Variants in SLC39A6 observed in about 807,000 individuals in gnomAD.
The protein encoded by SLC39A6 is solute carrier family 39 member 6, also known as zinc transporter ZIP6.
A neutral mutation model predicts 63.5 loss-of-function variants in SLC39A6; 51 were observed. The ratio of observed to expected loss-of-function variants is 0.80; its 90% confidence interval spans 0.64 to 1.01. The LOEUF is 1.01. Among genes scored for constraint, SLC39A6 ranks in the 50% least tolerant of loss-of-function variants. SLC39A6 has a pLI of 0.00. For synonymous variants in SLC39A6, 318 were observed against 324.7 expected, an observed-to-expected ratio of 0.98 and a Z score of 0.22; for missense variants, 805 against 927.8, an observed-to-expected ratio of 0.87 and a Z score of 1.72.
chr18:36,126,782 T>C lies in SLC39A6; in HGVS notation c.226A>G (p.Arg76Gly), dbSNP rs1331330138. The change falls in exon 2 of 10, where the codon AGA becomes GGA. Residue 76 changes from arginine to glycine, a missense_variant. Physicochemically the swap from Arg to Gly is moderately radical, Grantham distance 125 (BLOSUM62 -2). Coordinates refer to ENST00000269187, the MANE Select transcript of SLC39A6 (RefSeq NM_012319.4). Reference sequence around the variant, plus strand: ...ATGCCTATATTTTGAAGTAATTTTCTGAACCCTTCAACTGACAAAGAATTA... The same window carrying C: ...ATGCCTATATTTTGAAGTAATTTTCCGAACCCTTCAACTGACAAAGAATTA... Reference protein sequence around the residue: ...ENNSLSVEGFRKLLQNIGIDK... With the variant: ...ENNSLSVEGFGKLLQNIGIDK... The C allele has an allele frequency of 3.7e-6, 6 of 1,614,124 alleles. No homozygotes were observed. The highest frequency in any genetic ancestry group is 5.1e-6 in the Non-Finnish European group (6 of 1,180,044).
chr18:36,120,808 C>T (rs77841926), intron 5 of SLC39A6, among the ~76,000 whole-genome samples: 309 of 152,152 alleles, frequency 2.0e-3, no homozygotes, highest in Non-Finnish European at 3.6e-3. Context: ...TACTTAATTC[C>T]GTGAACACAA....
intron 5 of SLC39A6, among the ~76,000 whole-genome samples, chr18:36,118,977 G>A (rs961860301): frequency 1.3e-5 from 2 of 152,136 alleles, no homozygotes; most frequent in Admixed American, 1.3e-4. Flanking sequence ...GGATATCAGA[G>A]ATGATTCTCT....
rs1221132442 is a variant in SLC39A6 at position 36,123,487 on chromosome 18, A to G, written c.1140+8T>C. The G allele has an allele frequency of 1.9e-6, 3 of 1,601,406 alleles. No homozygotes were observed. Among genetic ancestry groups the G allele is most frequent in the African/African-American group, 1.4e-5 (1 of 74,000 alleles). On this transcript the variant is annotated splice_region_variant and intron_variant, in intron 4 of 9. Transcript: ENST00000269187. ...TCAAACACTAACAGGACAAATTACTATACTTACATGTGGAAGAAGGTGTAA... is the reference window on the plus strand; with the variant it reads ...TCAAACACTAACAGGACAAATTACTGTACTTACATGTGGAAGAAGGTGTAA...
intron 5 of SLC39A6, among the ~76,000 whole-genome samples, chr18:36,118,820 G>A (rs901332788): frequency 1.3e-5 from 2 of 152,168 alleles, no homozygotes; most frequent in Admixed American, 6.5e-5. Context: ...ACAAAATAAC[G>A]TGGACAGGCT....
At chr18:36,124,374 G>T in intron 3 of SLC39A6, 146 bp downstream of exon 3, 1 of 485,400 alleles carries the variant, frequency 2.1e-6, no homozygotes, top group Non-Finnish European at 3.5e-6. Context: ...ACCCTTCCTT[G>T]CTTTCTTCAC....
rs912031823 is a variant in SLC39A6 at position 36,122,422 on chromosome 18, A to G, written c.1141-152T>C. The G allele has an allele frequency of 3.8e-5, 24 of 631,600 alleles. No individual in the cohort carries two copies. In the Middle Eastern group the frequency reaches 1.8e-3, roughly 47 times the overall value. 39.1% of individuals were successfully genotyped at this position (631,600 alleles called of 1,614,324 possible). ...GTGAAGTTTAGGACATTAAAAATAA[A>G]ATGACCAATGAGCAGCTAGCTATCT... On this transcript the variant is annotated intron_variant, in intron 4 of 9. Coordinates refer to ENST00000269187, the MANE Select transcript of SLC39A6 (RefSeq NM_012319.4).
intron 5 of SLC39A6, among the ~76,000 whole-genome samples, chr18:36,120,692 T>C (rs1465731294): frequency 6.6e-6 from 1 of 152,174 alleles, no homozygotes; most frequent in Non-Finnish European, 1.5e-5. Flanking sequence ...AGTGTCTTGC[T>C]ATGTTGCCCA....
At position 36,126,509 on chromosome 18, in the gene SLC39A6, G is replaced by A. The variant is rs2089438857; in HGVS notation, c.499C>T (p.His167Tyr). Residue 167 changes from histidine (H) to tyrosine (Y), a missense_variant, in exon 2 of 10, where the codon CAC becomes TAC. His to Tyr is a moderately conservative substitution (Grantham distance 83). Around this residue, in one of 4 missense-constraint regions of SLC39A6, gnomAD observed 639 missense variants for 644.0 expected, o/e 0.99. Transcript: ENST00000269187. ...CTACCACTGGCATGTTCTGGTCGGTGAGCTCCTTTCCCCTGGCTGTTTCTA... is the reference window on the plus strand; with the variant it reads ...CTACCACTGGCATGTTCTGGTCGGTAAGCTCCTTTCCCCTGGCTGTTTCTA... ...DPRNSQGKGA[H>Y]RPEHASGRRN... is the part of the protein sequence containing the mutation. 1.2e-6 allele frequency: 2 copies of A among 1,614,108 alleles called. No individual in the cohort carries two copies. Among genetic ancestry groups the A allele is most frequent in the Non-Finnish European group, 1.7e-6 (2 of 1,180,052 alleles).
intron 6 of SLC39A6, among the ~76,000 whole-genome samples, 187 bp from the exon 7 acceptor site, chr18:36,114,661 A>G (rs2144500619): frequency 6.6e-6 from 1 of 152,342 alleles, no homozygotes; most frequent in Non-Finnish European, 1.5e-5. Flanking sequence ...AATTCCAGAA[A>G]TGGAATGGTC....
At chr18:36,112,131 G>A (rs992159488) in intron 8 of SLC39A6, among the ~76,000 whole-genome samples, 2 of 152,158 alleles carry the variant, frequency 1.3e-5, no homozygotes, top group Non-Finnish European at 2.9e-5. Flanking sequence ...TGGCATCAGC[G>A]GTATGTGTGT....
intron 5 of SLC39A6, among the ~76,000 whole-genome samples, chr18:36,120,094 T>C (rs149718056): frequency 8.5e-4 from 129 of 152,116 alleles, no homozygotes; most frequent in African/African-American, 3.0e-3. Flanking sequence ...GCAGAAGACT[T>C]AAAGAAGTAG....
In SLC39A6 at chr18:36,129,176, G is replaced by C. The variant is rs1026153859; in HGVS notation, c.-72C>G. 2.6e-5 allele frequency: 4 copies of C among 153,456 alleles called. No homozygotes were observed. The highest frequency in any genetic ancestry group is 5.8e-5 in the Non-Finnish European group (4 of 68,834). The allele number at this position is 153,456 out of a possible 1,614,324, so 9.5% of individuals were successfully genotyped here. A position where few individuals can be genotyped will look rare whatever the true frequency, so the allele number is the denominator to read the frequency against. ...GCGCAGGTTTGGTTCCACACGGGCG[G>C]TCCAGAGGGCTCGGAACGGGCCCAC... On this transcript the variant is annotated 5_prime_UTR_variant, in exon 1 of 10. Coordinates refer to ENST00000269187, the MANE Select transcript of SLC39A6 (RefSeq NM_012319.4).
intron 7 of SLC39A6, among the ~76,000 whole-genome samples, chr18:36,113,544 C>T (rs1214321803): frequency 1.3e-5 from 2 of 152,230 alleles, no homozygotes; most frequent in Non-Finnish European, 2.9e-5. Context: ...GTCACCTTGA[C>T]AGGCCTCAGC....
chr18:36,127,822 C>T (rs1197404638), intron 1 of SLC39A6, among the ~76,000 whole-genome samples: 6 of 146,214 alleles, frequency 4.1e-5, no homozygotes, highest in East Asian at 4.0e-4. Context: ...CTATGTTGTC[C>T]GGGTTGGTCT....
chr18:36,123,719 C>T (rs1033208200), intron 3 of SLC39A6, 55 bp from the exon 4 acceptor site: 3 of 1,520,734 alleles, frequency 2.0e-6, no homozygotes, highest in South Asian at 1.3e-5. Context: ...ATAAACTCTA[C>T]AAGAAAGACT....
At chr18:36,117,166 G>A (rs1023221743) in intron 5 of SLC39A6, among the ~76,000 whole-genome samples, 7 of 152,198 alleles carry the variant, frequency 4.6e-5, no homozygotes, top group Non-Finnish European at 8.8e-5. Flanking sequence ...GAACTCGGGA[G>A]GTGGAGGTTG....
At chr18:36,115,512 T>C (rs1211441493) in intron 6 of SLC39A6, among the ~76,000 whole-genome samples, 1 of 151,264 alleles carries the variant, frequency 6.6e-6, no homozygotes, top group Non-Finnish European at 1.5e-5. Flanking sequence ...CAAAACAGTG[T>C]GGTCTAGGCA....
chr18:36,116,382 G>A (rs1480984903), intron 6 of SLC39A6, among the ~76,000 whole-genome samples: 1 of 152,158 alleles, frequency 6.6e-6, no homozygotes, highest in African/African-American at 2.4e-5. Flanking sequence ...GCTAGAGAAA[G>A]ACAGTGTGGT....
At chr18:36,113,541 T>C (rs1489306310) in intron 7 of SLC39A6, among the ~76,000 whole-genome samples, 1 of 152,186 alleles carries the variant, frequency 6.6e-6, no homozygotes, top group Non-Finnish European at 1.5e-5. Context: ...GGCGTCACCT[T>C]GACAGGCCTC....
Sources: allele counts gnomAD v4.1 joint callset (sites outside exome capture counted in the v4.1 genomes callset), GRCh38; gene constraint gnomAD v4.1.1; regional missense constraint gnomAD v4.1.1; transcripts MANE v1.5; gene names NCBI Gene and HGNC (gene_info 2026-07-23, HGNC 2026-07-21).